The following NDRG3 variants were observed in gnomAD, a reference collection of about 807,000 sequenced individuals.
NDRG3 encodes the protein NDRG family member 3.
Under a neutral mutation model 57.2 loss-of-function variants are expected in NDRG3, and 23 were observed. The observed-to-expected ratio is 0.40, with a 90% confidence interval of 0.29 to 0.57. NDRG3 has a LOEUF of 0.57. Ranked by LOEUF, NDRG3 falls within the 20% of genes least tolerant of loss-of-function variation. NDRG3 has a pLI of 0.42. For synonymous variants in NDRG3, 132 were observed against 162.6 expected (o/e 0.81, Z 1.43); for missense variants, 384 against 457.3 (o/e 0.84, Z 1.46).
At chr20:36,707,110 G>A (rs1301854173) in intron 2 of NDRG3, 103 bp from the exon 3 acceptor site, 1 of 1,060,546 alleles carries the variant, frequency 9.4e-7, no homozygotes, top group Non-Finnish European at 1.4e-6. Context: ...GCAGCCTCTT[G>A]GTTGCCATAA....
chr20:36,660,564 A>ATTTTTTT (rs200205594), intron 12 of NDRG3, among the ~76,000 whole-genome samples, 180 bp from the exon 13 acceptor site: 2 of 148,196 alleles, frequency 1.3e-5, no homozygotes, highest in African/African-American at 5.1e-5. Context: ...TTATTTATTT[A>ATTTTTTT]TTTATTTTTT....
intron 1 of NDRG3, among the ~76,000 whole-genome samples, chr20:36,730,686 G>A (rs1346668309): frequency 6.6e-6 from 1 of 152,084 alleles, no homozygotes; most frequent in East Asian, 1.9e-4. Flanking sequence ...AGTGGCTCAT[G>A]CCTATAATCC....
chr20:36,738,377 C>T (rs1391660478), intron 1 of NDRG3, among the ~76,000 whole-genome samples: 2 of 151,074 alleles, frequency 1.3e-5, no homozygotes, highest in Non-Finnish European at 2.9e-5. Flanking sequence ...TACCTATAAT[C>T]CCAGCTACAC....
At chr20:36,734,634 G>A (rs1985515351) in intron 1 of NDRG3, among the ~76,000 whole-genome samples, 1 of 152,042 alleles carries the variant, frequency 6.6e-6, no homozygotes, top group Non-Finnish European at 1.5e-5. Flanking sequence ...AAACTCAAAG[G>A]CAGTTTCTCA....
intron 1 of NDRG3, among the ~76,000 whole-genome samples, chr20:36,739,258 C>T (rs1985790330): frequency 6.9e-6 from 1 of 145,936 alleles, no homozygotes. Flanking sequence ...ACCAGCCTGA[C>T]CAACATGGTG....
intron 3 of NDRG3, among the ~76,000 whole-genome samples, chr20:36,690,314 A>C (rs7344708): frequency 4.1e-4 from 56 of 135,322 alleles, no homozygotes; most frequent in African/African-American, 1.1e-3. Context: ...CTCAGGAACC[A>C]AATAGAGCAG....
intron 7 of NDRG3, among the ~76,000 whole-genome samples, chr20:36,681,743 A>C (rs1731115087): frequency 6.6e-6 from 1 of 150,976 alleles, no homozygotes; most frequent in Non-Finnish European, 1.5e-5. Context: ...CTTGTTGCCC[A>C]GGCTGGTGCA....
At chr20:36,698,765 A>G (rs1983011165) in intron 3 of NDRG3, among the ~76,000 whole-genome samples, 1 of 152,162 alleles carries the variant, frequency 6.6e-6, no homozygotes, top group African/African-American at 2.4e-5. Context: ...TCATATAATG[A>G]CATACAGATA....
chr20:36,675,260 A>G (rs1980574826), intron 8 of NDRG3, among the ~76,000 whole-genome samples: 1 of 150,948 alleles, frequency 6.6e-6, no homozygotes, highest in Non-Finnish European at 1.5e-5. Flanking sequence ...GGGTTTTGCC[A>G]CGTTGGCCAG....
chr20:36,706,769 C>T, intron 3 of NDRG3, among the ~76,000 whole-genome samples: 1 of 152,144 alleles, frequency 6.6e-6, no homozygotes, highest in East Asian at 1.9e-4. Flanking sequence ...TCTCAAAGTG[C>T]TGGAATTATA....
intron 8 of NDRG3, among the ~76,000 whole-genome samples, chr20:36,672,828 C>CA (rs1269407865): frequency 0.011 from 1,257 of 117,932 alleles, 4 homozygotes; most frequent in East Asian, 0.027. Flanking sequence ...GATTCCGTCT[C>CA]AAAAAAAAAA....
intron 1 of NDRG3, among the ~76,000 whole-genome samples, chr20:36,727,176 A>T (rs529939397): frequency 6.6e-6 from 1 of 152,136 alleles, no homozygotes; most frequent in Non-Finnish European, 1.5e-5. Context: ...TCAGTCTCCC[A>T]AAGTGCTGGG....
At chr20:36,682,220 C>A (rs1457279778) in intron 7 of NDRG3, among the ~76,000 whole-genome samples, 1 of 152,090 alleles carries the variant, frequency 6.6e-6, no homozygotes, top group African/African-American at 2.4e-5. Flanking sequence ...ATAATGTATG[C>A]AAACCATGTA....
chr20:36,668,358 G>A (rs925687038), intron 9 of NDRG3, among the ~76,000 whole-genome samples: 15 of 152,008 alleles, frequency 9.9e-5, no homozygotes, highest in African/African-American at 3.6e-4. Flanking sequence ...TTCCTTATCC[G>A]GATATATAGA....
At chr20:36,656,229 A>G (rs1978654477) in intron 15 of NDRG3, 131 bp downstream of exon 15, 2 of 753,438 alleles carry the variant, frequency 2.7e-6, no homozygotes, top group African/African-American at 1.8e-5. Flanking sequence ...TTCCATAAAC[A>G]TTTCAGTTTC....
Position 36,692,671 on chromosome 20 carries a change from G to C in NDRG3, c.94-3887C>G, listed in dbSNP as rs1472088041. Among the ~76,000 whole-genome samples, 3 of 151,900 alleles carry C rather than the reference G, an allele frequency of 2.0e-5. No homozygotes were observed. The East Asian group carries it at 5.8e-4, about 29-fold the overall frequency. On this transcript the variant is annotated intron_variant, in intron 3 of 15. Coordinates refer to ENST00000349004, the MANE Select transcript of NDRG3 (RefSeq NM_032013.4). ...TACATATAGATATAATCTAAGGCTG[G>C]GGCCTTAGATTTCTGGTGCTAGCTG...
chr20:36,683,691 TACACACAC>T (rs60391182), intron 6 of NDRG3, among the ~76,000 whole-genome samples: 3 of 146,738 alleles, frequency 2.0e-5, no homozygotes, highest in Admixed American at 6.9e-5. Context: ...CACATATATG[TACACACAC>T]ACACACACAC....
chr20:36,659,745 C>T lies in NDRG3; in HGVS notation c.858+592G>A, dbSNP rs554166846. ...CCTCCCAGGTAGCTGGGACTACAGG[C>T]GTGGGCCACCATGCCCAGTTAATTT... On this transcript the variant is annotated intron_variant, in intron 13 of 15. Coordinates refer to ENST00000349004, the MANE Select transcript of NDRG3 (RefSeq NM_032013.4). Among the ~76,000 whole-genome samples, 417 of 151,818 alleles carry T rather than the reference C, an allele frequency of 2.7e-3. 1 individual carries two copies. Among genetic ancestry groups the T allele is most frequent in the Middle Eastern group, 6.8e-3 (2 of 292 alleles).
At chr20:36,707,478 A>G (rs999272029) in intron 2 of NDRG3, among the ~76,000 whole-genome samples, 1 of 152,216 alleles carries the variant, frequency 6.6e-6, no homozygotes, top group Non-Finnish European at 1.5e-5. Flanking sequence ...ATATGGATGG[A>G]TCAGAAATGA....
Sources: gnomAD v4.1 joint callset for allele counts (sites outside exome capture counted in the v4.1 genomes callset) on GRCh38, gnomAD v4.1.1 for gene constraint, MANE v1.5 for transcripts, NCBI Gene and HGNC (gene_info 2026-07-23, HGNC 2026-07-21) for gene names.